Variants in CD163 observed in about 807,000 individuals in gnomAD.
CD163 encodes the protein scavenger receptor cysteine-rich type 1 protein M130.
CD163 carries 64 observed loss-of-function variants against 129.2 expected under a neutral mutation model. The ratio of observed to expected loss-of-function variants is 0.50; its 90% CI spans 0.41 to 0.61. CD163 has a LOEUF of 0.61. Ranked by LOEUF, CD163 falls within the 20% of genes least tolerant of loss-of-function variation. The pLI is 0.00. For synonymous variants in CD163, 446 were observed against 478.5 expected (o/e 0.93, Z 0.89); for missense variants, 1,061 against 1,377.9 (o/e 0.77, Z 3.64).
chr12:7,501,081 A>G, intron 3 of CD163, 58 bp downstream of exon 3: 1 of 1,454,518 alleles, frequency 6.9e-7, no homozygotes, highest in Non-Finnish European at 9.6e-7. Flanking sequence ...TAACCCATCT[A>G]CATATTTTTT....
In CD163 at chr12:7,471,095, A is replaced by G. The variant is rs996063150; in HGVS notation, c.*334T>C. The G allele has an allele frequency of 4.6e-5, 7 of 152,182 alleles. No homozygotes were observed. Among genetic ancestry groups the G allele is most frequent in the African/African-American group, 1.7e-4 (7 of 41,462 alleles). 9.4% of individuals were successfully genotyped at this position (152,182 alleles called of 1,614,324 possible). ...TGTCAAATAAAACACATTATAATAC[A>G]TCTAGGAAACTCTACAAAAAATTAG... On this transcript the variant is annotated 3_prime_UTR_variant, in exon 17 of 17. Coordinates refer to ENST00000432237, the MANE Select transcript of CD163 (RefSeq NM_203416.4).
At chr12:7,477,449 A>C (rs1449578525) in intron 16 of CD163, among the ~76,000 whole-genome samples, 1 of 152,180 alleles carries the variant, frequency 6.6e-6, no homozygotes, top group Non-Finnish European at 1.5e-5. Flanking sequence ...ATATGGATGA[A>C]GCTGGAAACC....
Position 7,496,641 on chromosome 12 carries a change from G to A in CD163, c.1099+172C>T, listed in dbSNP as rs1949405427. Among the ~76,000 whole-genome samples, 1 of 152,158 alleles carries A rather than the reference G, an allele frequency of 6.6e-6. No homozygotes were observed. On this transcript the variant is annotated intron_variant, in intron 5 of 16. Transcript: ENST00000432237. The surrounding 1 kb of genome is among the most constrained non-coding windows in gnomAD (Gnocchi z 4.8). ...TGCCGTCAGACAACCTTCCAAACTAGTTGAATAAAGAATGTGTCAAAGATT... is the reference window on the plus strand; with the variant it reads ...TGCCGTCAGACAACCTTCCAAACTAATTGAATAAAGAATGTGTCAAAGATT...
chr12:7,492,169 A>G (rs1009618520), intron 6 of CD163, among the ~76,000 whole-genome samples: 4 of 152,162 alleles, frequency 2.6e-5, no homozygotes, highest in Non-Finnish European at 5.9e-5. Context: ...CCCCCAACAT[A>G]AGTAGAAGAA....
At position 7,487,768 on chromosome 12, in the gene CD163, C is replaced by A; in HGVS notation, c.1735+5G>T. ...AACCAATTAAAGATGTTTTCTGGGT[C>A]TTACTTGAGCAGACTACTCCAACAT... is the stretch of plus-strand genomic sequence containing the variant. On this transcript the variant is annotated splice_donor_5th_base_variant and intron_variant, in intron 7 of 16. Transcript: ENST00000432237. The surrounding 1 kb of genome is among the most constrained non-coding windows in gnomAD (Gnocchi z 5.1). 1 of 1,613,926 alleles carries A rather than the reference C, an allele frequency of 6.2e-7. No individual in the cohort carries two copies. Among genetic ancestry groups the A allele is most frequent in the South Asian group, 1.1e-5 (1 of 91,078 alleles).
In CD163 at chr12:7,490,654, C is replaced by T. The variant is rs192300309; in HGVS notation, c.1421-2567G>A. Among the ~76,000 whole-genome samples the T allele has an allele frequency of 3.7e-3, 561 of 152,036 alleles. 7 individuals carry two copies. Among genetic ancestry groups the T allele is most frequent in the African/African-American group, 0.013 (542 of 41,534 alleles). ...CCATCAGCCCTTGCCAATCTACATA[C>T]TCTGATTTCCTTTCATCTCTCATAA... is the stretch of plus-strand genomic sequence containing the variant. On this transcript the variant is annotated intron_variant, in intron 6 of 16. Coordinates refer to ENST00000432237, the MANE Select transcript of CD163 (RefSeq NM_203416.4).
chr12:7,473,147 C>A (rs1949030665), intron 16 of CD163: 1 of 152,214 alleles, frequency 6.6e-6, no homozygotes. Flanking sequence ...TTGGAAAACA[C>A]TCTTCAGGAT....
chr12:7,498,146 C>CACACACACACAGAGAG (rs537347284), intron 4 of CD163, among the ~76,000 whole-genome samples: 2 of 148,860 alleles, frequency 1.3e-5, no homozygotes, highest in African/African-American at 4.9e-5. Context: ...CACACACACA[C>CACACACACACAGAGAG]AGAGAGAGAG....
At chr12:7,498,747 A>T in intron 4 of CD163, 121 bp downstream of exon 4, 1 of 971,836 alleles carries the variant, frequency 1.0e-6, no homozygotes, top group Non-Finnish European at 1.5e-6. Context: ...AAGTTAGGTT[A>T]AAATGCGGTG....
In CD163 at chr12:7,502,437, G is replaced by A. The variant is rs1236596556; in HGVS notation, c.133+41C>T. 4.7e-6 allele frequency: 6 copies of A among 1,268,114 alleles called. No individual in the cohort carries two copies. In the South Asian group the frequency reaches 7.1e-5, roughly 15 times the overall value. 78.6% of individuals were successfully genotyped at this position (1,268,114 alleles called of 1,614,324 possible). A position where few individuals can be genotyped will look rare whatever the true frequency, so the allele number is the denominator to read the frequency against. On this transcript the variant is annotated intron_variant, in intron 2 of 16. Transcript: ENST00000432237. The stretch of plus-strand genomic sequence containing the variant: ...GTTTGCCTTTTAACTGTTCTTGTCA[G>A]AGTGGGCTAAGGCTGTAAGTAAATT...
chr12:7,503,767 C>T lies in CD163; in HGVS notation c.-77G>A. 1 of 885,610 alleles carries T rather than the reference C, an allele frequency of 1.1e-6. No individual in the cohort carries two copies. The highest frequency in any genetic ancestry group is 2.5e-5 in the East Asian group (1 of 39,298). The allele number at this position is 885,610 out of a possible 1,614,324, so 54.9% of individuals were successfully genotyped here. On this transcript the variant is annotated 5_prime_UTR_variant, in exon 1 of 17. Coordinates refer to ENST00000432237, the MANE Select transcript of CD163 (RefSeq NM_203416.4). ...AGAAATGTTCTTCTAAAGAAAACAA[C>T]TAAGAATTCTAAAAATCACTTCACT...
At chr12:7,481,067 T>G in intron 15 of CD163, 94 bp downstream of exon 15, 3 of 1,510,038 alleles carry the variant, frequency 2.0e-6, no homozygotes, top group African/African-American at 1.4e-5. Context: ...ATTTTTAGAC[T>G]TTTTTAACTG....
At chr12:7,500,576 T>C (rs1949470297) in intron 3 of CD163, among the ~76,000 whole-genome samples, 1 of 151,982 alleles carries the variant, frequency 6.6e-6, no homozygotes, top group Non-Finnish European at 1.5e-5. Flanking sequence ...CAATAAAACA[T>C]ATGGAGATGT....
rs1949476788 is a variant in CD163 at position 7,501,008 on chromosome 12, A to G, written c.457+131T>C. On this transcript the variant is annotated intron_variant, in intron 3 of 16. Coordinates refer to ENST00000432237, the MANE Select transcript of CD163 (RefSeq NM_203416.4). ...CCTCGTGTTTTGTGGTTTTCTAGCA[A>G]TGGATGGAGTACTTTTATACATGAA... The G allele has an allele frequency of 1.5e-5, 11 of 727,804 alleles. No individual in the cohort carries two copies. In the South Asian group the frequency reaches 2.3e-4, roughly 15 times the overall value. 45.1% of individuals were successfully genotyped at this position (727,804 alleles called of 1,614,324 possible).
Position 7,482,727 on chromosome 12 carries a change from C to A in CD163, c.3163G>T (p.Gly1055Trp), listed in dbSNP as rs1039285721. The stretch of plus-strand genomic sequence containing the variant: ...GCCAACAGAACAACCCCAAGGATCC[C>A]GACTGCAATAAAGGATGACTGACGG... The part of the protein sequence containing the change: ...SSRQSSFIAV[G>W]ILGVVLLAIF... The change falls in exon 14 of 17, where the codon GGG becomes TGG. Residue 1055 changes from glycine to tryptophan, a missense_variant. By Grantham distance (184) the Gly-to-Trp change is radical. Transcript: ENST00000432237. The A allele has an allele frequency of 6.2e-7, 1 of 1,613,924 alleles. No homozygotes were observed. Among genetic ancestry groups the A allele is most frequent in the Admixed American group, 1.7e-5 (1 of 60,020 alleles).
At chr12:7,479,714 A>G in intron 16 of CD163, 146 bp downstream of exon 16, 1 of 657,212 alleles carries the variant, frequency 1.5e-6, no homozygotes, top group Non-Finnish European at 2.4e-6. Flanking sequence ...TATTCTCAAT[A>G]TAGATATATA....
chr12:7,491,134 AAAACAAAC>A (rs138236495), intron 6 of CD163, among the ~76,000 whole-genome samples: 3 of 151,988 alleles, frequency 2.0e-5, no homozygotes, highest in African/African-American at 7.2e-5. Context: ...AAACCAGTGA[AAAACAAAC>A]AAACAAACAA....
At chr12:7,473,065 TG>T (rs1949029433) in intron 16 of CD163, 1 of 152,116 alleles carries the variant, frequency 6.6e-6, no homozygotes, top group Non-Finnish European at 1.5e-5. Context: ...CCAAGAAATA[TG>T]GGACTATGTG....
chr12:7,495,031 G>C (rs144800783), intron 6 of CD163, 50 bp downstream of exon 6: 20 of 1,387,762 alleles, frequency 1.4e-5, no homozygotes, highest in Middle Eastern at 1.8e-4. Flanking sequence ...TTCAAAGGTA[G>C]TACTGGAAAT....
Sources: allele counts gnomAD v4.1 joint callset (sites outside exome capture counted in the v4.1 genomes callset), GRCh38; gene constraint gnomAD v4.1.1; non-coding constraint Gnocchi (gnomAD v3.1); transcripts MANE v1.5; gene names NCBI Gene and HGNC (gene_info 2026-07-23, HGNC 2026-07-21).